PPFIA2: variants seen among roughly 807,000 people sequenced by gnomAD.
PPFIA2 encodes the protein liprin-alpha-2.
A neutral mutation model predicts 175.5 loss-of-function variants in PPFIA2; 46 were observed. That is an observed-to-expected ratio of 0.26 (90% CI 0.21 to 0.34). The LOEUF (loss-of-function observed/expected upper bound fraction) is 0.34, where lower values mean the gene tolerates loss of function less well. Ranked by LOEUF, PPFIA2 falls within the 10% of genes least tolerant of loss-of-function variation. The probability of loss-of-function intolerance (pLI) is 1.00; values close to 1 mark genes in which losing one functional copy is unlikely to be tolerated. For missense variants in PPFIA2, 1,179 were observed against 1,506.1 expected (o/e 0.78, Z 3.60); for synonymous variants, 568 against 511.4 (o/e 1.11, Z -1.49).
chr12:81,598,145 T>C lies in PPFIA2; in HGVS notation c.303+78646A>G, dbSNP rs2059441855. On this transcript the variant is annotated intron_variant, in intron 4 of 32. Transcript: ENST00000549396. Reference sequence around the variant, plus strand: ...AGGGAGACTAGAGGGTAAAATGAAATCTGCCCCATCCTTCTTACATACACA... The same window carrying C: ...AGGGAGACTAGAGGGTAAAATGAAACCTGCCCCATCCTTCTTACATACACA... 5 of 1,480,990 alleles carry C rather than the reference T, an allele frequency of 3.4e-6. No individual in the cohort carries two copies. In the South Asian group the frequency reaches 4.0e-5, roughly 12 times the overall value. 91.7% of individuals were successfully genotyped at this position (1,480,990 alleles called of 1,614,324 possible).
At chr12:81,576,821 C>T (rs939420224) in intron 4 of PPFIA2, among the ~76,000 whole-genome samples, 6 of 151,758 alleles carry the variant, frequency 4.0e-5, no homozygotes, top group Non-Finnish European at 8.8e-5. Context: ...AGTATGATTT[C>T]ATCTGAAAAT....
intron 4 of PPFIA2, among the ~76,000 whole-genome samples, chr12:81,527,125 C>T (rs1488787574): frequency 1.3e-5 from 2 of 152,034 alleles, no homozygotes; most frequent in African/African-American, 4.8e-5. Context: ...TTTTCTTTGC[C>T]TTCAAGAATT....
chr12:81,684,247 G>A (rs1293901987), intron 3 of PPFIA2, among the ~76,000 whole-genome samples: 8 of 151,972 alleles, frequency 5.3e-5, no homozygotes, highest in African/African-American at 9.7e-5. Context: ...TGACAAACTC[G>A]GAGACTATAC....
At chr12:81,669,784 C>A (rs1468412381) in intron 4 of PPFIA2, among the ~76,000 whole-genome samples, 1 of 151,808 alleles carries the variant, frequency 6.6e-6, no homozygotes, top group Non-Finnish European at 1.5e-5. Flanking sequence ...AAGGTGAGTT[C>A]CTAGAATCAT....
chr12:81,745,009 C>G (rs2082855794), intron 3 of PPFIA2, among the ~76,000 whole-genome samples: 1 of 152,130 alleles, frequency 6.6e-6, no homozygotes, highest in South Asian at 2.1e-4. Flanking sequence ...GATACCTCTA[C>G]CCAGTTTAAT....
At chr12:81,271,263 A>G (rs1243588239) in intron 28 of PPFIA2, among the ~76,000 whole-genome samples, 1 of 151,246 alleles carries the variant, frequency 6.6e-6, no homozygotes, top group Admixed American at 6.6e-5. Context: ...CCACTCCATT[A>G]GCTTTCTTTT....
intron 6 of PPFIA2, among the ~76,000 whole-genome samples, chr12:81,445,049 A>C (rs2050956161): frequency 6.6e-6 from 1 of 152,176 alleles, no homozygotes; most frequent in Non-Finnish European, 1.5e-5. Context: ...GAGAATATTC[A>C]AATGAATATT....
chr12:81,631,085 A>G (rs7135303), intron 4 of PPFIA2, among the ~76,000 whole-genome samples: 88,467 of 151,420 alleles, frequency 0.58, 27,232 homozygotes, highest in East Asian at 0.79. Flanking sequence ...TTGTAGAGAT[A>G]GAGTTTTGCC....
At chr12:81,552,599 T>C (rs2068111127) in intron 4 of PPFIA2, among the ~76,000 whole-genome samples, 1 of 152,004 alleles carries the variant, frequency 6.6e-6, no homozygotes, top group South Asian at 2.1e-4. Context: ...AACAATATAA[T>C]GAAAAATATG....
intron 28 of PPFIA2, among the ~76,000 whole-genome samples, chr12:81,269,756 A>G (rs1205040865): frequency 1.3e-5 from 2 of 152,194 alleles, no homozygotes; most frequent in Non-Finnish European, 2.9e-5. Context: ...CTTTCATTCA[A>G]TATGGAATTT....
chr12:81,524,742 G>GT (rs2063544978), intron 4 of PPFIA2, among the ~76,000 whole-genome samples: 1 of 152,124 alleles, frequency 6.6e-6, no homozygotes, highest in African/African-American at 2.4e-5. Context: ...ATTTGAGAAG[G>GT]ACATGCCTTT....
chr12:81,756,792 G>C (rs1041923975), intron 2 of PPFIA2, among the ~76,000 whole-genome samples: 3 of 152,108 alleles, frequency 2.0e-5, no homozygotes, highest in African/African-American at 7.2e-5. Flanking sequence ...ATTAATCTTT[G>C]TAGAAACAAT....
At chr12:81,681,763 C>G (rs978912660) in intron 3 of PPFIA2, among the ~76,000 whole-genome samples, 2 of 151,362 alleles carry the variant, frequency 1.3e-5, no homozygotes, top group African/African-American at 4.9e-5. Context: ...AGAGCTGTTG[C>G]TGGATTCTTA....
chr12:81,439,306 G>T (rs1234363568), intron 7 of PPFIA2, among the ~76,000 whole-genome samples: 2 of 149,664 alleles, frequency 1.3e-5, no homozygotes, highest in Non-Finnish European at 3.0e-5. Flanking sequence ...TATATCTTAG[G>T]TATTATATAC....
chr12:81,533,433 CT>C (rs2064881576), intron 4 of PPFIA2, among the ~76,000 whole-genome samples: 1 of 151,418 alleles, frequency 6.6e-6, no homozygotes, highest in Non-Finnish European at 1.5e-5. Flanking sequence ...AAAGTACAAC[CT>C]AGAAGATCTC....
At chr12:81,312,486 T>G (rs1011596164) in intron 22 of PPFIA2, 1 of 346,704 alleles carries the variant, frequency 2.9e-6, no homozygotes, top group Non-Finnish European at 5.2e-6. Context: ...TCAAGAAATC[T>G]TGGTAAAGGA....
intron 3 of PPFIA2, among the ~76,000 whole-genome samples, chr12:81,700,464 A>C (rs1353374652): frequency 6.6e-5 from 10 of 152,104 alleles, no homozygotes; most frequent in Non-Finnish European, 8.8e-5. Flanking sequence ...GCAGAAAATT[A>C]AATGATGAAT....
At chr12:81,310,175 T>C (rs2050410751) in intron 22 of PPFIA2, among the ~76,000 whole-genome samples, 1 of 152,090 alleles carries the variant, frequency 6.6e-6, no homozygotes, top group Non-Finnish European at 1.5e-5. Flanking sequence ...GATAATAATA[T>C]TAGTAAGTAC....
At chr12:81,720,199 T>C (rs1227779067) in intron 3 of PPFIA2, among the ~76,000 whole-genome samples, 1 of 151,472 alleles carries the variant, frequency 6.6e-6, no homozygotes, top group Middle Eastern at 3.2e-3. Context: ...TCCCTAATTG[T>C]TACTCTCTTC....
Sources: allele counts gnomAD v4.1 joint callset (sites outside exome capture counted in the v4.1 genomes callset), GRCh38; gene constraint gnomAD v4.1.1; transcripts MANE v1.5; gene names NCBI Gene and HGNC (gene_info 2026-07-23, HGNC 2026-07-21).